Variants in ERI1 observed in about 807,000 individuals in gnomAD.
ERI1 encodes 3'-5' exoribonuclease 1.
ERI1 carries 39 observed loss-of-function variants against 39.7 expected under a neutral mutation model. That is an observed-to-expected ratio of 0.98 (90% CI 0.76 to 1.28). The LOEUF (loss-of-function observed/expected upper bound fraction) is 1.28, where lower values mean the gene tolerates loss of function less well. ERI1 is among the 50% of genes most tolerant of loss of function. The probability of loss-of-function intolerance (pLI) is 0.00; values close to 1 mark genes in which losing one functional copy is unlikely to be tolerated. For synonymous variants in ERI1, 204 were observed against 149.6 expected, an observed-to-expected ratio of 1.36 and a Z score of -2.65; for missense variants, 581 against 416.9, an observed-to-expected ratio of 1.39 and a Z score of -3.43.
At chr8:9,057,834 T>G (rs1051383797) in intron 3 of ERI1, among the ~76,000 whole-genome samples, 5 of 152,138 alleles carry the variant, frequency 3.3e-5, no homozygotes, top group African/African-American at 1.2e-4. Context: ...TGAGAGAGCC[T>G]TGGGAGCTGC....
At chr8:9,072,700 T>C (rs1799091774) in intron 3 of ERI1, among the ~76,000 whole-genome samples, 1 of 152,096 alleles carries the variant, frequency 6.6e-6, no homozygotes, top group East Asian at 1.9e-4. Flanking sequence ...CCGCCACTAT[T>C]TTTGATCAAT....
intron 3 of ERI1, among the ~76,000 whole-genome samples, chr8:9,063,821 T>A (rs1240043977): frequency 6.6e-6 from 1 of 152,176 alleles, no homozygotes; most frequent in East Asian, 1.9e-4. Flanking sequence ...TCAAGTGGCA[T>A]TGCAGAAGAA....
chr8:9,061,784 G>A (rs1798705166), intron 3 of ERI1, among the ~76,000 whole-genome samples: 1 of 151,206 alleles, frequency 6.6e-6, no homozygotes, highest in Admixed American at 6.6e-5. Flanking sequence ...CTTGACTGAA[G>A]TAATGGGTGC....
At chr8:9,099,353 G>A (rs1043486988) in intron 3 of ERI1, among the ~76,000 whole-genome samples, 2 of 151,998 alleles carry the variant, frequency 1.3e-5, no homozygotes, top group African/African-American at 4.8e-5. Context: ...TGTAATCCCA[G>A]CACTTAGGGA....
chr8:9,083,443 A>T (rs970925937), intron 3 of ERI1, among the ~76,000 whole-genome samples: 1 of 152,158 alleles, frequency 6.6e-6, no homozygotes, highest in Non-Finnish European at 1.5e-5. Flanking sequence ...TCGATGCCTT[A>T]TAAACTTTTA....
At position 9,053,496 on chromosome 8, in the gene ERI1, G is replaced by A. The variant is rs192544613; in HGVS notation, n.299+33032G>A. The stretch of plus-strand genomic sequence containing the variant: ...ACTAGCCCCATACCTCGTCCTACAC[G>A]TCTCTTCCATTTGGCTGTTCTTGAG... On this transcript the variant is annotated intron_variant and non_coding_transcript_variant, in intron 3 of 3. Transcript: ENST00000518663. Among the ~76,000 whole-genome samples the A allele has an allele frequency of 3.7e-4, 56 of 152,276 alleles. No individual in the cohort carries two copies. The South Asian group carries it at 3.9e-3, about 11-fold the overall frequency.
chr8:9,043,251 T>C (rs1050020887), intron 3 of ERI1, among the ~76,000 whole-genome samples: 8 of 152,248 alleles, frequency 5.3e-5, no homozygotes, highest in African/African-American at 1.9e-4. Flanking sequence ...GCAATGAGTG[T>C]GTTTTTGTGT....
chr8:9,015,902 T>C (rs1817219113), intron 3 of ERI1, among the ~76,000 whole-genome samples: 1 of 152,088 alleles, frequency 6.6e-6, no homozygotes, highest in African/African-American at 2.4e-5. Context: ...CAGGAGTAAA[T>C]GAGAGAAAAA....
At chr8:9,043,168 A>G (rs985195535) in intron 3 of ERI1, among the ~76,000 whole-genome samples, 6 of 152,222 alleles carry the variant, frequency 3.9e-5, no homozygotes, top group Non-Finnish European at 5.9e-5. Context: ...TTCTTCGTGT[A>G]TAATTGATGC....
rs1273696623 is a variant in ERI1, at chr8:9,032,685, T to C, written c.*2651T>C. On this transcript the variant is annotated 3_prime_UTR_variant, in exon 7 of 7. Transcript: ENST00000250263. Reference sequence around the variant, plus strand: ...AGATGTGACCAGTTGACTTTTAGTATATCATCCCAAGTATTATCCCCAAAA... The same window carrying C: ...AGATGTGACCAGTTGACTTTTAGTACATCATCCCAAGTATTATCCCCAAAA... The C allele has an allele frequency of 1.1e-4, 17 of 152,334 alleles. No individual in the cohort carries two copies. Among genetic ancestry groups the C allele is most frequent in the Middle Eastern group, 3.4e-3 (1 of 294 alleles). The allele number at this position is 152,334 out of a possible 1,614,324, so 9.4% of individuals were successfully genotyped here.
chr8:9,074,721 C>T (rs966373990), intron 3 of ERI1, among the ~76,000 whole-genome samples: 1 of 152,226 alleles, frequency 6.6e-6, no homozygotes, highest in East Asian at 1.9e-4. Flanking sequence ...AGGCGTGAGC[C>T]ACTGCGCCCA....
Position 9,010,347 on chromosome 8 carries a change from C to T in ERI1, c.288-1195C>T, listed in dbSNP as rs116690512. The stretch of plus-strand genomic sequence containing the variant: ...AAAAAGATAAAAAAAGAAAGTAATC[C>T]AAAGCTGTCACATGACACAGAGGTC... On this transcript the variant is annotated intron_variant, in intron 2 of 6. Transcript: ENST00000250263. Among the ~76,000 whole-genome samples, 985 of 152,204 alleles carry T rather than the reference C, an allele frequency of 6.5e-3. 12 individuals are homozygous for T. Among genetic ancestry groups the T allele is most frequent in the African/African-American group, 0.022 (926 of 41,536 alleles).
At chr8:9,084,361 T>G (rs971258877) in intron 3 of ERI1, among the ~76,000 whole-genome samples, 2 of 152,234 alleles carry the variant, frequency 1.3e-5, no homozygotes, top group Admixed American at 6.5e-5. Context: ...TTTATTGCTT[T>G]GTAACTTTCT....
chr8:9,009,044 G>A (rs1477480789), intron 2 of ERI1: 11 of 456,158 alleles, frequency 2.4e-5, no homozygotes, highest in South Asian at 1.7e-4. Flanking sequence ...ACAACTTGTA[G>A]CCTACAGAAG....
chr8:9,024,988 A>C (rs1203401595), intron 6 of ERI1, among the ~76,000 whole-genome samples: 1 of 152,154 alleles, frequency 6.6e-6, no homozygotes, highest in Non-Finnish European at 1.5e-5. Flanking sequence ...AGTGCAGTGA[A>C]GTGTTACTGC....
intron 3 of ERI1, among the ~76,000 whole-genome samples, chr8:9,073,097 A>G (rs1361727906): frequency 6.6e-6 from 1 of 152,204 alleles, no homozygotes; most frequent in African/African-American, 2.4e-5. Context: ...ATAATCCTTC[A>G]TCTGGCTTCT....
intron 3 of ERI1, among the ~76,000 whole-genome samples, chr8:9,013,597 G>C (rs1816908976): frequency 6.6e-6 from 1 of 152,002 alleles, no homozygotes; most frequent in South Asian, 2.1e-4. Context: ...ATAGCTTTCA[G>C]AAGCTGTCTC....
In ERI1 at chr8:9,011,477, G is replaced by C. The variant is rs999576467; in HGVS notation, c.288-65G>C. The C allele has an allele frequency of 1.0e-5, 11 of 1,095,362 alleles. No individual in the cohort carries two copies. The East Asian group carries it at 2.7e-4, about 27-fold the overall frequency. 67.9% of individuals were successfully genotyped at this position (1,095,362 alleles called of 1,614,324 possible). ...TCAGTGTTCAGCCCAGTGCCAGCAG[G>C]TGAGAGTTTTGATTCTTGACTGTAG... On this transcript the variant is annotated intron_variant, in intron 2 of 6. Coordinates refer to ENST00000250263, the MANE Select transcript of ERI1 (RefSeq NM_153332.4).
intron 3 of ERI1, among the ~76,000 whole-genome samples, chr8:9,057,972 C>T (rs1554526333): frequency 6.6e-6 from 1 of 152,128 alleles, no homozygotes; most frequent in Non-Finnish European, 1.5e-5. Flanking sequence ...GGGTGGATCT[C>T]ATAGGGTCTT....
Sources: gnomAD v4.1 joint callset for allele counts (sites outside exome capture counted in the v4.1 genomes callset) on GRCh38, gnomAD v4.1.1 for gene constraint, MANE v1.5 for transcripts, NCBI Gene and HGNC (gene_info 2026-07-23, HGNC 2026-07-21) for gene names.